EBF2: variants seen among roughly 807,000 people sequenced by gnomAD.
EBF2 encodes the protein transcription factor COE2.
EBF2 carries 21 observed loss-of-function variants against 72.8 expected under a neutral mutation model. That is an observed-to-expected ratio of 0.29 (90% CI 0.20 to 0.42). The LOEUF (loss-of-function observed/expected upper bound fraction) is 0.42. EBF2 is among the 10% of genes least tolerant of loss of function. The pLI, the probability that EBF2 is intolerant of heterozygous loss-of-function variation, is 1.00. For missense variants in EBF2, 637 were observed against 731.2 expected, an observed-to-expected ratio of 0.87 and a Z score of 1.49; for synonymous variants, 299 against 274.2, an observed-to-expected ratio of 1.09 and a Z score of -0.89.
intron 6 of EBF2, among the ~76,000 whole-genome samples, chr8:25,917,605 A>T (rs1309735400): frequency 2.0e-5 from 3 of 152,192 alleles, no homozygotes; most frequent in Non-Finnish European, 4.4e-5. Flanking sequence ...TGAGAAAAAA[A>T]TCTTTCCGTG....
intron 10 of EBF2, among the ~76,000 whole-genome samples, chr8:25,864,817 A>T (rs1415619674): frequency 8.4e-5 from 11 of 130,742 alleles, no homozygotes; most frequent in Non-Finnish European, 3.3e-5. Context: ...TTTTTTTTTG[A>T]GACAGAGTCT....
chr8:25,983,624 G>A (rs1410080823), intron 6 of EBF2, among the ~76,000 whole-genome samples: 1 of 152,120 alleles, frequency 6.6e-6, no homozygotes, highest in African/African-American at 2.4e-5. Context: ...GAAAAGCCAG[G>A]ACTCCCTAGT....
intron 6 of EBF2, among the ~76,000 whole-genome samples, chr8:25,919,308 T>C (rs573445657): frequency 9.2e-5 from 14 of 152,256 alleles, no homozygotes; most frequent in African/African-American, 3.4e-4. Context: ...TTAGTGGTCA[T>C]GCAAGTTGAG....
rs149278578 is a variant in EBF2, at chr8:25,969,781, T to C, written c.552-61226A>G. ...GGGCAGTGGCGCGATCACAGCTCAC[T>C]GCAGCTTTGAACTCCTGGGCTCAAG... is the stretch of plus-strand genomic sequence containing the variant. On this transcript the variant is annotated intron_variant, in intron 6 of 15. Coordinates refer to ENST00000520164, the MANE Select transcript of EBF2 (RefSeq NM_022659.4). 1.1e-3 allele frequency among the ~76,000 whole-genome samples: 165 copies of C among 152,318 alleles called. 2 individuals are homozygous for C. The highest frequency in any genetic ancestry group is 1.7e-3 in the East Asian group (9 of 5,184).
chr8:25,930,911 C>G (rs1416588565), intron 6 of EBF2, among the ~76,000 whole-genome samples: 1 of 152,174 alleles, frequency 6.6e-6, no homozygotes, highest in Non-Finnish European at 1.5e-5. Flanking sequence ...CCCCCTCTAT[C>G]ACTGAGTATG....
intron 6 of EBF2, among the ~76,000 whole-genome samples, chr8:26,028,850 C>G (rs1049005485): frequency 1.3e-5 from 2 of 151,984 alleles, no homozygotes; most frequent in South Asian, 4.1e-4. Context: ...TGGTTTTTTC[C>G]CCTGATGGGG....
chr8:25,850,114 AATTTGATT>A (rs1419202640), intron 15 of EBF2, among the ~76,000 whole-genome samples: 1 of 152,116 alleles, frequency 6.6e-6, no homozygotes. Context: ...TTTTTAAAAA[AATTTGATT>A]ATTTTTTGAG....
At chr8:25,879,159 C>T (rs1802567201) in intron 10 of EBF2, among the ~76,000 whole-genome samples, 1 of 152,134 alleles carries the variant, frequency 6.6e-6, no homozygotes. Flanking sequence ...TTTCATATAT[C>T]TAAACATTGG....
chr8:25,967,576 A>G, intron 6 of EBF2, among the ~76,000 whole-genome samples: 1 of 152,250 alleles, frequency 6.6e-6, no homozygotes, highest in East Asian at 1.9e-4. Context: ...AGTGAAAAAC[A>G]GCAAAGTTGT....
rs78350853 is a variant in EBF2 at position 26,024,593 on chromosome 8, G to T, written c.551+8492C>A. Reference sequence around the variant, plus strand: ...GATCGCTAAGAGGTTGTAGAATGCAGGAAGTCACAGGAATTGTCCTATATG... The same window carrying T: ...GATCGCTAAGAGGTTGTAGAATGCATGAAGTCACAGGAATTGTCCTATATG... On this transcript the variant is annotated intron_variant, in intron 6 of 15. Transcript: ENST00000520164. 3.0e-3 allele frequency among the ~76,000 whole-genome samples: 454 copies of T among 152,268 alleles called. 3 individuals are homozygous for T. Among genetic ancestry groups the T allele is most frequent in the Middle Eastern group, 0.017 (5 of 294 alleles).
intron 6 of EBF2, among the ~76,000 whole-genome samples, chr8:25,951,292 C>T (rs568796889): frequency 2.0e-5 from 3 of 152,208 alleles, no homozygotes; most frequent in African/African-American, 7.2e-5. Context: ...GCTGGCTAGA[C>T]GGGAGCCTGA....
At chr8:26,012,792 T>G (rs1805047568) in intron 6 of EBF2, among the ~76,000 whole-genome samples, 1 of 152,158 alleles carries the variant, frequency 6.6e-6, no homozygotes, top group Non-Finnish European at 1.5e-5. Context: ...GCATGTGCCA[T>G]GTACACTCAG....
At chr8:25,985,605 G>T (rs1485692729) in intron 6 of EBF2, among the ~76,000 whole-genome samples, 1 of 152,098 alleles carries the variant, frequency 6.6e-6, no homozygotes, top group Non-Finnish European at 1.5e-5. Flanking sequence ...TATAACAAAG[G>T]TCATTCTCAA....
intron 6 of EBF2, among the ~76,000 whole-genome samples, chr8:25,969,267 C>T (rs1804157297): frequency 6.6e-6 from 1 of 152,188 alleles, no homozygotes. Context: ...GAATTCCTTC[C>T]TTGGTGTCTA....
intron 7 of EBF2, among the ~76,000 whole-genome samples, chr8:25,907,892 G>T (rs1382454381): frequency 6.6e-6 from 1 of 152,116 alleles, no homozygotes; most frequent in Non-Finnish European, 1.5e-5. Context: ...ACTTTGCCTC[G>T]CTCTGTTTTT....
Position 26,016,743 on chromosome 8 carries a change from C to T in EBF2, c.551+16342G>A, listed in dbSNP as rs1228880314. Among the ~76,000 whole-genome samples, 10 of 152,264 alleles carry T rather than the reference C, an allele frequency of 6.6e-5. No individual in the cohort carries two copies. The South Asian group carries it at 1.5e-3, about 22-fold the overall frequency. ...CCTTCTTTTGATCTCAAGAAAACCT[C>T]GCTTTCTCTTGCTCACTCTCTCTTT... On this transcript the variant is annotated intron_variant, in intron 6 of 15. Transcript: ENST00000520164.
In EBF2 at chr8:25,847,168, G is replaced by A. The variant is rs1283363822; in HGVS notation, c.1697-2528C>T. ...CTTAAGGCACTCAGTTCGGCACCTT[G>A]CCTATAGTGCTCAGGATAGTTAGCA... On this transcript the variant is annotated intron_variant, in intron 15 of 15. Transcript: ENST00000520164. 3.3e-5 allele frequency among the ~76,000 whole-genome samples: 5 copies of A among 152,180 alleles called. No individual in the cohort carries two copies. In the South Asian group the frequency reaches 8.3e-4, roughly 25 times the overall value.
chr8:25,926,379 C>T (rs111753353), intron 6 of EBF2, among the ~76,000 whole-genome samples: 59 of 152,276 alleles, frequency 3.9e-4, no homozygotes, highest in African/African-American at 1.2e-3. Context: ...CCCCACCTTT[C>T]TAATAATCTT....
chr8:25,936,163 A>G (rs1307830790), intron 6 of EBF2, among the ~76,000 whole-genome samples: 1 of 152,166 alleles, frequency 6.6e-6, no homozygotes, highest in Non-Finnish European at 1.5e-5. Context: ...TAAAGCAACA[A>G]TCTGATCCCA....
Sources: allele counts gnomAD v4.1 joint callset (sites outside exome capture counted in the v4.1 genomes callset), GRCh38; gene constraint gnomAD v4.1.1; transcripts MANE v1.5; gene names NCBI Gene and HGNC (gene_info 2026-07-23, HGNC 2026-07-21).